SLC30A10: variants seen among roughly 807,000 people sequenced by gnomAD.
SLC30A10 encodes calcium/manganese antiporter SLC30A10.
Under a neutral mutation model 21.7 loss-of-function variants are expected in SLC30A10, and 8 were observed. The ratio of observed to expected loss-of-function variants is 0.37; its 90% CI spans 0.22 to 0.67. The LOEUF (loss-of-function observed/expected upper bound fraction) is 0.67. Among genes scored for constraint, SLC30A10 ranks in the 30% least tolerant of loss-of-function variants. SLC30A10 has a pLI of 0.58. For missense variants in SLC30A10, 521 were observed against 642.5 expected (o/e 0.81, Z 2.04); for synonymous variants, 272 against 279.4 (o/e 0.97, Z 0.26).
At chr1:219,953,759 T>C (rs932529327) in intron 1 of SLC30A10, among the ~76,000 whole-genome samples, 1 of 151,828 alleles carries the variant, frequency 6.6e-6, no homozygotes, top group Middle Eastern at 3.4e-3. Context: ...CAGGCTGGAG[T>C]GCAGTGGCCC....
At position 219,912,439 on chromosome 1, in the gene SLC30A10, G is replaced by C. The variant is rs1659435174; in HGVS notation, c.*3010C>G. On this transcript the variant is annotated 3_prime_UTR_variant, in exon 4 of 4. Coordinates refer to ENST00000366926, the MANE Select transcript of SLC30A10 (RefSeq NM_018713.3). Reference sequence around the variant, plus strand: ...AAATAATGTGGAAAGGACTGTTTCTGTAGAAACAGAAGTGCAGTAGGGCCG... The same window carrying C: ...AAATAATGTGGAAAGGACTGTTTCTCTAGAAACAGAAGTGCAGTAGGGCCG... Among the ~76,000 whole-genome samples, 1 of 152,206 alleles carries C rather than the reference G, an allele frequency of 6.6e-6. No homozygotes were observed. The highest frequency in any genetic ancestry group is 2.4e-5 in the African/African-American group (1 of 41,456).
intron 1 of SLC30A10, among the ~76,000 whole-genome samples, chr1:219,947,703 G>A (rs1047850505): frequency 6.6e-6 from 1 of 151,960 alleles, no homozygotes; most frequent in African/African-American, 2.4e-5. Context: ...CTGTAATCAC[G>A]CCTGTAATCC....
At chr1:219,943,721 C>A (rs552333290) in intron 1 of SLC30A10, among the ~76,000 whole-genome samples, 1 of 152,002 alleles carries the variant, frequency 6.6e-6, no homozygotes, top group Non-Finnish European at 1.5e-5. Flanking sequence ...AATAAAAATA[C>A]GGAAAGTCTC....
chr1:219,932,613 G>T (rs1233873777), upstream of SLC30A10, among the ~76,000 whole-genome samples: 8 of 149,998 alleles, frequency 5.3e-5, no homozygotes, highest in Non-Finnish European at 1.0e-4. Flanking sequence ...TTGTACAAAG[G>T]TAATTTTTGT....
chr1:219,936,722 A>C (rs1213575402), intron 1 of SLC30A10, among the ~76,000 whole-genome samples: 1 of 152,270 alleles, frequency 6.6e-6, no homozygotes, highest in East Asian at 1.9e-4. Flanking sequence ...TCAAACTGCA[A>C]TAGGAGAGGA....
chr1:219,918,162 A>G lies in SLC30A10; in HGVS notation c.958+93T>C, dbSNP rs906646541. 6.7e-7 allele frequency: 1 copy of G among 1,493,244 alleles called. No individual in the cohort carries two copies. Among genetic ancestry groups the G allele is most frequent in the Admixed American group, 1.9e-5 (1 of 51,752 alleles). The allele number at this position is 1,493,244 out of a possible 1,614,324, so 92.5% of individuals were successfully genotyped here. On this transcript the variant is annotated intron_variant, in intron 3 of 3. Coordinates refer to ENST00000366926, the MANE Select transcript of SLC30A10 (RefSeq NM_018713.3). This position sits in a 1 kb window ranked among gnomAD's most constrained non-coding sequence, Gnocchi z 4.4. ...GGTGATTTAAGGTGTTTCAGAATAC[A>G]TAACTCAAACACTGCTCTTAAATAA...
chr1:219,915,505 G>A lies in SLC30A10; in HGVS notation c.1402C>T (p.Gln468Ter), dbSNP rs1388564100. The change falls in exon 4 of 4, where the codon CAA (glutamine) becomes TAA (stop). Residue 468 changes from glutamine to a stop codon, truncating the protein, a stop_gained. Coordinates refer to ENST00000366926, the MANE Select transcript of SLC30A10 (RefSeq NM_018713.3). LOFTEE classifies it high-confidence loss of function. ...SLDSCLSDHG[Q>*]SLNKTQEDQC... ...TCCTCCTGAGTTTTGTTAAGACTTT[G>A]TCCGTGGTCACTCAGACAGCTATCC... The A allele has an allele frequency of 2.5e-6, 4 of 1,614,220 alleles. No homozygotes were observed. Among genetic ancestry groups the A allele is most frequent in the South Asian group, 1.1e-5 (1 of 91,086 alleles).
rs186031382 is a variant in SLC30A10, at chr1:219,914,809, C to T, written c.*640G>A. The T allele has an allele frequency of 6.6e-6, 1 of 152,400 alleles. No homozygotes were observed. The highest frequency in any genetic ancestry group is 6.5e-5 in the Admixed American group (1 of 15,312). The allele number at this position is 152,400 out of a possible 1,614,324, so 9.4% of individuals were successfully genotyped here. ...AGTTCAGTTCACAGCAGAAAGTAAA[C>T]ATTAGTTTTCTCTCACCTCACAAAA... On this transcript the variant is annotated 3_prime_UTR_variant, in exon 4 of 4. Coordinates refer to ENST00000366926, the MANE Select transcript of SLC30A10 (RefSeq NM_018713.3).
intron 1 of SLC30A10, among the ~76,000 whole-genome samples, chr1:219,947,309 G>C (rs1660199078): frequency 6.6e-6 from 1 of 152,124 alleles, no homozygotes; most frequent in Non-Finnish European, 1.5e-5. Flanking sequence ...TGGAAGGATT[G>C]CTTGAGGGCA....
At chr1:219,940,019 T>C (rs1660100074) in intron 1 of SLC30A10, among the ~76,000 whole-genome samples, 1 of 152,224 alleles carries the variant, frequency 6.6e-6, no homozygotes, top group South Asian at 2.1e-4. Context: ...CTAGTCCACA[T>C]GTTCTTCTAC....
At position 219,912,985 on chromosome 1, in the gene SLC30A10, T is replaced by A. The variant is rs1300764612; in HGVS notation, c.*2464A>T. Among the ~76,000 whole-genome samples the A allele has an allele frequency of 1.3e-5, 2 of 152,208 alleles. No homozygotes were observed. Among genetic ancestry groups the A allele is most frequent in the Non-Finnish European group, 2.9e-5 (2 of 68,046 alleles). Reference sequence around the variant, plus strand: ...ATCTTAAAGGAAAACAGTGCTGTTTTAAATCTATTTATCAGCTGCTACTGC... The same window carrying A: ...ATCTTAAAGGAAAACAGTGCTGTTTAAAATCTATTTATCAGCTGCTACTGC... On this transcript the variant is annotated 3_prime_UTR_variant, in exon 4 of 4. Transcript: ENST00000366926.
intron 3 of SLC30A10, among the ~76,000 whole-genome samples, chr1:219,917,622 G>A (rs558204669): frequency 2.6e-5 from 4 of 151,136 alleles, no homozygotes; most frequent in South Asian, 2.1e-4. Context: ...GGCCTTATTT[G>A]AATTAAAATA....
intron 2 of SLC30A10, among the ~76,000 whole-genome samples, chr1:219,925,882 A>G (rs1659812356): frequency 6.6e-6 from 1 of 151,078 alleles, no homozygotes; most frequent in Non-Finnish European, 1.5e-5. Flanking sequence ...GCTGGTCTCA[A>G]ACTCCCGACC....
At chr1:219,916,466 T>C (rs964755551) in intron 3 of SLC30A10, among the ~76,000 whole-genome samples, 8 of 152,246 alleles carry the variant, frequency 5.3e-5, no homozygotes, top group Non-Finnish European at 1.0e-4. Flanking sequence ...TATAGTTGTT[T>C]AAAAGTAAGT....
chr1:219,922,197 T>G (rs1014190188), intron 2 of SLC30A10, among the ~76,000 whole-genome samples: 1,596 of 35,492 alleles, frequency 0.045, 159 homozygotes, highest in East Asian at 0.12. Flanking sequence ...TTTTTTTTTT[T>G]TTTTTTTTTT....
chr1:219,950,448 G>A (rs531640027), intron 1 of SLC30A10, among the ~76,000 whole-genome samples: 36 of 151,980 alleles, frequency 2.4e-4, no homozygotes, highest in Middle Eastern at 3.4e-3. Flanking sequence ...GACCATCCTG[G>A]CTAACACAGT....
intron 2 of SLC30A10, 139 bp downstream of exon 2, chr1:219,926,889 G>C (rs1659838875): frequency 3.1e-6 from 2 of 646,880 alleles, no homozygotes; most frequent in Non-Finnish European, 5.5e-6. Flanking sequence ...TTACGAAAGA[G>C]AGTTGGGTCA....
chr1:219,941,124 G>C (rs1660115069), intron 1 of SLC30A10, among the ~76,000 whole-genome samples: 1 of 152,172 alleles, frequency 6.6e-6, no homozygotes, highest in Non-Finnish European at 1.5e-5. Flanking sequence ...AGAGGAGAAG[G>C]AGAACACAGA....
At chr1:219,951,539 G>T (rs1660271232) in intron 1 of SLC30A10, among the ~76,000 whole-genome samples, 2 of 151,630 alleles carry the variant, frequency 1.3e-5, no homozygotes, top group Non-Finnish European at 2.9e-5. Context: ...GGCTAACATG[G>T]TGAAACCCCG....
Sources: allele counts gnomAD v4.1 joint callset (sites outside exome capture counted in the v4.1 genomes callset), GRCh38; gene constraint gnomAD v4.1.1; non-coding constraint Gnocchi (gnomAD v3.1); transcripts MANE v1.5; gene names NCBI Gene and HGNC (gene_info 2026-07-23, HGNC 2026-07-21).